RIMS2: variants seen among roughly 807,000 people sequenced by gnomAD.
RIMS2 encodes the protein regulating synaptic membrane exocytosis 2, also known as regulating synaptic membrane exocytosis protein 2.
A neutral mutation model predicts 174.4 loss-of-function variants in RIMS2; 59 were observed. The ratio of observed to expected loss-of-function variants is 0.34; its 90% CI spans 0.27 to 0.42. The LOEUF (loss-of-function observed/expected upper bound fraction) is 0.42. RIMS2 is among the 10% of genes least tolerant of loss of function. The probability of loss-of-function intolerance (pLI) is 1.00; values close to 1 mark genes in which losing one functional copy is unlikely to be tolerated. For missense variants in RIMS2, 1,620 were observed against 1,666.3 expected, an observed-to-expected ratio of 0.97 and a Z score of 0.48; for synonymous variants, 606 against 572.5, an observed-to-expected ratio of 1.06 and a Z score of -0.84.
chr8:103,587,409 G>GAAAAAGA (rs1554653342), intron 1 of RIMS2, among the ~76,000 whole-genome samples: 1 of 117,044 alleles, frequency 8.5e-6, no homozygotes, highest in South Asian at 2.8e-4. Context: ...GAAGAAAAAA[G>GAAAAAGA]AAGAAAGAAA....
chr8:104,059,249 C>T (rs1273575585), intron 19 of RIMS2, among the ~76,000 whole-genome samples: 1 of 150,042 alleles, frequency 6.7e-6, no homozygotes, highest in African/African-American at 2.5e-5. Context: ...TTTCCTTGAG[C>T]AGTGGTTTGT....
At chr8:103,819,341 T>G in intron 3 of RIMS2, 3 of 1,484,246 alleles carry the variant, frequency 2.0e-6, no homozygotes, top group Non-Finnish European at 2.7e-6. Flanking sequence ...GAATAATGAC[T>G]GTACAATTAA....
chr8:104,055,497 T>C (rs1352984657), intron 19 of RIMS2, among the ~76,000 whole-genome samples: 1 of 152,190 alleles, frequency 6.6e-6, no homozygotes, highest in Non-Finnish European at 1.5e-5. Flanking sequence ...ATTTGGCTGA[T>C]ATTTGTATCT....
At chr8:104,122,823 T>G (rs1196830155) in intron 19 of RIMS2, among the ~76,000 whole-genome samples, 1 of 152,190 alleles carries the variant, frequency 6.6e-6, no homozygotes, top group Non-Finnish European at 1.5e-5. Context: ...TTTTAAACTA[T>G]TAACTCTTCA....
At chr8:103,501,051 G>A (rs1331091345) in exon 1 of RIMS2, 2 of 1,605,436 alleles carry the variant, frequency 1.2e-6, no homozygotes, top group East Asian at 4.5e-5. Flanking sequence ...AGAAGGAGCA[G>A]TCCGTGCTCA....
chr8:104,215,138 A>C (rs1563800666), intron 19 of RIMS2, among the ~76,000 whole-genome samples: 1 of 152,232 alleles, frequency 6.6e-6, no homozygotes, highest in Non-Finnish European at 1.5e-5. Flanking sequence ...TTAAGCAAAA[A>C]ATCTATGAAA....
chr8:104,024,542 G>A (rs568091610), intron 19 of RIMS2, among the ~76,000 whole-genome samples: 52 of 115,156 alleles, frequency 4.5e-4, no homozygotes, highest in Non-Finnish European at 8.8e-4. Flanking sequence ...AACCGGTTTC[G>A]TTGTTGTTGT....
intron 1 of RIMS2, among the ~76,000 whole-genome samples, chr8:103,694,562 A>G (rs1222028705): frequency 6.6e-6 from 1 of 151,600 alleles, no homozygotes; most frequent in Non-Finnish European, 1.5e-5. Flanking sequence ...TTCCATATAG[A>G]CCTTGTCTAC....
chr8:103,767,192 CT>C (rs35159105), intron 3 of RIMS2, among the ~76,000 whole-genome samples: 110,075 of 138,466 alleles, frequency 0.79, 43,857 homozygotes, highest in African/African-American at 0.91. Flanking sequence ...CTTTTTCTTT[CT>C]TTTTTTTTTT....
chr8:104,251,800 C>A, exon 24 of RIMS2: 2 of 1,604,488 alleles, frequency 1.2e-6, no homozygotes, highest in South Asian at 1.1e-5. Flanking sequence ...TTCAACTGGA[C>A]CTTCTTACTC....
chr8:103,848,029 C>A (rs994039931), intron 3 of RIMS2, among the ~76,000 whole-genome samples: 3 of 151,730 alleles, frequency 2.0e-5, no homozygotes, highest in African/African-American at 7.3e-5. Flanking sequence ...CAGCCCACTC[C>A]CAAAGGTCCA....
At chr8:104,013,651 C>T in intron 18 of RIMS2, 30 bp downstream of exon 20, 1 of 1,587,576 alleles carries the variant, frequency 6.3e-7, no homozygotes, top group South Asian at 1.1e-5. Flanking sequence ...GACTAATTTC[C>T]CCTTTGCCCC....
chr8:104,193,419 G>A (rs1316585068), intron 19 of RIMS2, among the ~76,000 whole-genome samples: 2 of 152,118 alleles, frequency 1.3e-5, no homozygotes, highest in Non-Finnish European at 2.9e-5. Flanking sequence ...ACATTGAGCT[G>A]AATATCTTCA....
At chr8:103,788,979 C>G (rs1317269599) in intron 3 of RIMS2, among the ~76,000 whole-genome samples, 1 of 152,198 alleles carries the variant, frequency 6.6e-6, no homozygotes, top group Non-Finnish European at 1.5e-5. Context: ...CGTGGTGCGC[C>G]GTTTTTTAAG....
chr8:103,799,854 A>G (rs2098593883), intron 3 of RIMS2, among the ~76,000 whole-genome samples: 1 of 152,112 alleles, frequency 6.6e-6, no homozygotes. Flanking sequence ...AGTTAAATTC[A>G]TTACTTTTTA....
chr8:103,823,157 C>T (rs1309822413), intron 3 of RIMS2, among the ~76,000 whole-genome samples: 2 of 151,802 alleles, frequency 1.3e-5, no homozygotes, highest in Admixed American at 1.3e-4. Flanking sequence ...GAATGTGTGA[C>T]AGTGAATTTG....
At chr8:103,988,116 G>T (rs1011754569) in intron 16 of RIMS2, among the ~76,000 whole-genome samples, 2 of 152,088 alleles carry the variant, frequency 1.3e-5, no homozygotes, top group African/African-American at 4.8e-5. Context: ...AAAAAGAAGA[G>T]AAAAATTTGC....
intron 3 of RIMS2, among the ~76,000 whole-genome samples, chr8:103,872,253 T>G (rs899458495): frequency 1.3e-5 from 2 of 152,210 alleles, no homozygotes; most frequent in Non-Finnish European, 2.9e-5. Context: ...CTGTTCTATC[T>G]CTTATTTGAA....
At chr8:103,743,728 T>C (rs1423395289) in intron 2 of RIMS2, among the ~76,000 whole-genome samples, 1 of 152,212 alleles carries the variant, frequency 6.6e-6, no homozygotes, top group Non-Finnish European at 1.5e-5. Flanking sequence ...CCCCATTAAG[T>C]ATAATCTTTG....
Sources: gnomAD v4.1 joint callset for allele counts (sites outside exome capture counted in the v4.1 genomes callset) on GRCh38, gnomAD v4.1.1 for gene constraint, MANE v1.5 for transcripts, NCBI Gene and HGNC (gene_info 2026-07-23, HGNC 2026-07-21) for gene names.